Variants in MCC observed in about 807,000 individuals in gnomAD.
MCC encodes colorectal mutant cancer protein.
Under a neutral mutation model 116.2 loss-of-function variants are expected in MCC, and 90 were observed. The ratio of observed to expected loss-of-function variants is 0.77; its 90% CI spans 0.65 to 0.92. The LOEUF is 0.92. Among genes scored for constraint, MCC ranks in the 40% least tolerant of loss-of-function variants. The pLI, the probability that MCC is intolerant of heterozygous loss-of-function variation, is 0.00. For missense variants in MCC, 1,516 were observed against 1,312.2 expected (o/e 1.16, Z -2.40); for synonymous variants, 578 against 510.5 (o/e 1.13, Z -1.78).
intron 3 of MCC, among the ~76,000 whole-genome samples, chr5:113,166,397 T>C (rs1760767340): frequency 1.3e-5 from 2 of 152,212 alleles, no homozygotes; most frequent in South Asian, 4.1e-4. Flanking sequence ...TGGGACCAAG[T>C]ACAGCGGTAG....
chr5:113,105,071 A>G (rs1167856169), intron 6 of MCC, among the ~76,000 whole-genome samples: 1 of 152,270 alleles, frequency 6.6e-6, no homozygotes, highest in Non-Finnish European at 1.5e-5. Flanking sequence ...ATATCTTAGA[A>G]GACAATTTTG....
At chr5:113,173,554 C>T (rs965361519) in intron 3 of MCC, among the ~76,000 whole-genome samples, 1 of 152,166 alleles carries the variant, frequency 6.6e-6, no homozygotes, top group Non-Finnish European at 1.5e-5. Context: ...CTCTGGATCA[C>T]AACACCACTA....
intron 3 of MCC, among the ~76,000 whole-genome samples, chr5:113,276,796 TTTC>T (rs1425095972): frequency 2.7e-5 from 4 of 146,360 alleles, no homozygotes; most frequent in Non-Finnish European, 4.5e-5. Flanking sequence ...CCAACTAATT[TTTC>T]TTCTTATTTT....
intron 3 of MCC, among the ~76,000 whole-genome samples, chr5:113,187,450 CAA>C (rs1297767572): frequency 2.0e-5 from 3 of 152,120 alleles, no homozygotes; most frequent in African/African-American, 7.2e-5. Flanking sequence ...AAAGCACTGT[CAA>C]CTCACTGGGT....
rs140292604 is a variant in MCC at position 113,037,333 on chromosome 5, G to A, written c.2756+6197C>T. On this transcript the variant is annotated intron_variant, in intron 17 of 18. Coordinates refer to ENST00000408903, the MANE Select transcript of MCC (RefSeq NM_001085377.2). ...ACTTGGACATGGATTTGAACTCTGA[G>A]GAGTCTCGCTGGCTTTTTCGAAGGC... Among the ~76,000 whole-genome samples, 560 of 152,328 alleles carry A rather than the reference G, an allele frequency of 3.7e-3. 7 individuals carry two copies. Among genetic ancestry groups the A allele is most frequent in the African/African-American group, 0.012 (505 of 41,578 alleles).
At chr5:113,433,498 A>T in intron 1 of MCC, 1 of 619,542 alleles carries the variant, frequency 1.6e-6, no homozygotes, top group Non-Finnish European at 2.8e-6. Context: ...GCTCCGGGTC[A>T]CGCTCTGGGG....
rs568292603 is a variant in MCC, at chr5:113,323,611, G to A, written c.627+16908C>T. ...GAAATGGGAAAGATGAGGTCACAGAGGCGGTCTTAGCCATATCAGGTATGA... is the reference window on the plus strand; with the variant it reads ...GAAATGGGAAAGATGAGGTCACAGAAGCGGTCTTAGCCATATCAGGTATGA... On this transcript the variant is annotated intron_variant, in intron 3 of 18. Transcript: ENST00000408903. 5.3e-5 allele frequency among the ~76,000 whole-genome samples: 8 copies of A among 152,320 alleles called. No individual in the cohort carries two copies. The South Asian group carries it at 8.3e-4, about 16-fold the overall frequency.
chr5:113,187,350 C>T (rs1761942992), intron 3 of MCC, among the ~76,000 whole-genome samples: 1 of 152,142 alleles, frequency 6.6e-6, no homozygotes, highest in African/African-American at 2.4e-5. Flanking sequence ...CTCAAGCAAT[C>T]CGCCTGCCTC....
intron 13 of MCC, 65 bp downstream of exon 13, chr5:113,068,015 G>T: frequency 7.2e-7 from 1 of 1,398,076 alleles, no homozygotes; most frequent in Non-Finnish European, 1.0e-6. Context: ...CAGTTGCTGA[G>T]ACAGGGGCAG....
chr5:113,338,785 G>C (rs1767932398), intron 3 of MCC, among the ~76,000 whole-genome samples: 1 of 152,156 alleles, frequency 6.6e-6, no homozygotes, highest in African/African-American at 2.4e-5. Context: ...CTAATCTCCT[G>C]AGCACATAGG....
At chr5:113,071,332 G>A (rs988181415) in intron 11 of MCC, 98 bp from the exon 12 acceptor site, 1 of 1,292,946 alleles carries the variant, frequency 7.7e-7, no homozygotes, top group African/African-American at 1.5e-5. Context: ...AGCATGTGAG[G>A]ATGTGGGCCT....
rs575387653 is a variant in MCC, at chr5:113,124,311, G to A, written c.885-1485C>T. 8.5e-5 allele frequency among the ~76,000 whole-genome samples: 13 copies of A among 152,290 alleles called. 1 individual carries two copies. The highest frequency in any genetic ancestry group is 2.4e-4 in the African/African-American group (10 of 41,568). ...TCTTAAGTGCCTTTTTGGTCTACAG[G>A]ATGATTGTGCACTGATAGATACATT... On this transcript the variant is annotated intron_variant, in intron 5 of 18. Coordinates refer to ENST00000408903, the MANE Select transcript of MCC (RefSeq NM_001085377.2).
chr5:113,294,436 G>C (rs747422808), intron 3 of MCC: 3 of 1,610,498 alleles, frequency 1.9e-6, no homozygotes, highest in South Asian at 1.1e-5. Context: ...CGGAGCTTAA[G>C]AGTTGGACTT....
intron 14 of MCC, among the ~76,000 whole-genome samples, chr5:113,061,196 C>G (rs1473077628): frequency 1.3e-5 from 2 of 152,216 alleles, no homozygotes; most frequent in Non-Finnish European, 2.9e-5. Context: ...AGGCTCACGG[C>G]AAGGCTGCAA....
intron 1 of MCC, among the ~76,000 whole-genome samples, chr5:113,452,864 G>C (rs1393953367): frequency 6.6e-6 from 1 of 152,194 alleles, no homozygotes; most frequent in Non-Finnish European, 1.5e-5. Flanking sequence ...CTGCCAGTTT[G>C]CCTTTATGTG....
chr5:113,030,921 A>G (rs997782188), intron 17 of MCC, among the ~76,000 whole-genome samples: 6 of 152,086 alleles, frequency 3.9e-5, no homozygotes, highest in East Asian at 1.9e-4. Context: ...TATTTTTACA[A>G]TTTTGTATAT....
chr5:113,374,216 T>G (rs199733567), intron 2 of MCC, among the ~76,000 whole-genome samples: 1,908 of 133,320 alleles, frequency 0.014, 21 homozygotes, highest in African/African-American at 0.033. Flanking sequence ...TTTTTTTTTT[T>G]GTTTTTTTTT....
intron 3 of MCC, among the ~76,000 whole-genome samples, chr5:113,260,460 T>C (rs1416524704): frequency 6.6e-6 from 1 of 152,118 alleles, no homozygotes; most frequent in African/African-American, 2.4e-5. Context: ...TAAAGAAAAA[T>C]CTGGCCTCAT....
chr5:113,379,703 G>A (rs1046442364), intron 2 of MCC, among the ~76,000 whole-genome samples: 7 of 152,088 alleles, frequency 4.6e-5, no homozygotes, highest in Admixed American at 2.0e-4. Flanking sequence ...TAAAAATATT[G>A]TTTCTGGGAT....
Sources: allele counts gnomAD v4.1 joint callset (sites outside exome capture counted in the v4.1 genomes callset), GRCh38; gene constraint gnomAD v4.1.1; transcripts MANE v1.5; gene names NCBI Gene and HGNC (gene_info 2026-07-23, HGNC 2026-07-21).